The following GABBR2 variants were observed in gnomAD, a reference collection of about 807,000 sequenced individuals.
GABBR2 encodes G-protein coupled receptor 51.
Under a neutral mutation model 105.6 loss-of-function variants are expected in GABBR2, and 23 were observed. The observed-to-expected ratio is 0.22, with a 90% CI of 0.16 to 0.31. The LOEUF (loss-of-function observed/expected upper bound fraction) is 0.31, where lower values mean the gene tolerates loss of function less well. GABBR2 is among the 10% of genes least tolerant of loss of function. The pLI, the probability that GABBR2 is intolerant of heterozygous loss-of-function variation, is 1.00. For missense variants in GABBR2, 734 were observed against 1,245.5 expected (o/e 0.59, Z 6.18); for synonymous variants, 478 against 499.7 (o/e 0.96, Z 0.58).
chr9:98,346,018 C>T (rs1275402200), intron 13 of GABBR2, among the ~76,000 whole-genome samples: 1 of 152,188 alleles, frequency 6.6e-6, no homozygotes, highest in Admixed American at 6.5e-5. Context: ...TGCTAATGAT[C>T]ATCTGAGCCT....
At chr9:98,637,258 C>A (rs762938994) in intron 1 of GABBR2, among the ~76,000 whole-genome samples, 1 of 152,120 alleles carries the variant, frequency 6.6e-6, no homozygotes, top group East Asian at 1.9e-4. Context: ...GTGCTGCATG[C>A]GAAAAGGGAG....
intron 1 of GABBR2, among the ~76,000 whole-genome samples, chr9:98,589,860 G>A (rs898106566): frequency 2.0e-5 from 3 of 151,962 alleles, no homozygotes; most frequent in East Asian, 3.9e-4. Flanking sequence ...GACCACAGGT[G>A]CACACCACCA....
In GABBR2 at chr9:98,454,697, A is replaced by C. The variant is rs1487326045; in HGVS notation, c.1000-480T>G. Among the ~76,000 whole-genome samples the C allele has an allele frequency of 6.6e-6, 1 of 152,146 alleles. No individual in the cohort carries two copies. The highest frequency in any genetic ancestry group is 1.5e-5 in the Non-Finnish European group (1 of 68,028). ...TCTGGAAGGCCAAGCTGGAATTCAGAATTCTGGGACTTCTCTGAGTTTCAG... is the reference window on the plus strand; with the variant it reads ...TCTGGAAGGCCAAGCTGGAATTCAGCATTCTGGGACTTCTCTGAGTTTCAG... On this transcript the variant is annotated intron_variant, in intron 6 of 18. Transcript: ENST00000259455. The surrounding 1 kb of genome is among the most constrained non-coding windows in gnomAD (Gnocchi z 4.6).
rs545488274 is a variant in GABBR2 at position 98,345,276 on chromosome 9, C to A, written c.1893+17439G>T. On this transcript the variant is annotated intron_variant, in intron 13 of 18. Transcript: ENST00000259455. ...ATCTGTTCTCACCGTGCAGCCAGGG[C>A]AAAGCTGATCATGTCACTCCCCTGA... is the stretch of plus-strand genomic sequence containing the variant. 1.4e-3 allele frequency among the ~76,000 whole-genome samples: 214 copies of A among 152,312 alleles called. 1 individual carries two copies. The highest frequency in any genetic ancestry group is 4.9e-3 in the African/African-American group (202 of 41,572).
At chr9:98,544,950 G>A (rs928303502) in intron 2 of GABBR2, among the ~76,000 whole-genome samples, 6 of 152,146 alleles carry the variant, frequency 3.9e-5, no homozygotes, top group African/African-American at 1.4e-4. Context: ...AACACTGCAA[G>A]CCTCCTATGC....
At position 98,520,691 on chromosome 9, in the gene GABBR2, A is replaced by G. The variant is rs148136027; in HGVS notation, c.630+21182T>C. 1.1e-4 allele frequency among the ~76,000 whole-genome samples: 17 copies of G among 152,310 alleles called. No homozygotes were observed. In the East Asian group the frequency reaches 3.1e-3, roughly 28 times the overall value. The stretch of plus-strand genomic sequence containing the variant: ...GGGATGGAAACTTGGAGGCAGGGGA[A>G]TGGTTTCTTCTGTTTCCACTTAAAG... On this transcript the variant is annotated intron_variant, in intron 3 of 18. Transcript: ENST00000259455.
chr9:98,657,498 C>A lies in GABBR2; in HGVS notation c.321+50919G>T, dbSNP rs1830198671. On this transcript the variant is annotated intron_variant, in intron 1 of 18. Coordinates refer to ENST00000259455, the MANE Select transcript of GABBR2 (RefSeq NM_005458.8). ...GCCCCTGTGGAACCCTGGCCAGGGA[C>A]TCAGATGTAAGGAAGGGACCCTGTT... is the stretch of plus-strand genomic sequence containing the variant. Among the ~76,000 whole-genome samples the A allele has an allele frequency of 2.6e-5, 4 of 152,210 alleles. No homozygotes were observed. In the South Asian group the frequency reaches 8.3e-4, roughly 32 times the overall value.
At chr9:98,436,719 G>C (rs558513215) in intron 7 of GABBR2, among the ~76,000 whole-genome samples, 11 of 151,870 alleles carry the variant, frequency 7.2e-5, no homozygotes, top group African/African-American at 2.7e-4. Context: ...CTCTTGCCTA[G>C]AATTTTGCTT....
intron 12 of GABBR2, among the ~76,000 whole-genome samples, chr9:98,371,062 C>T (rs1831772501): frequency 6.6e-6 from 1 of 152,122 alleles, no homozygotes; most frequent in Non-Finnish European, 1.5e-5. Flanking sequence ...ATGCCCCAGC[C>T]ACACCAAGCC....
chr9:98,572,919 G>C (rs568948809), intron 2 of GABBR2, among the ~76,000 whole-genome samples: 2 of 152,316 alleles, frequency 1.3e-5, no homozygotes, highest in Non-Finnish European at 1.5e-5. Flanking sequence ...CCAGTGTCTA[G>C]TAGTGAATGC....
rs189740176 is a variant in GABBR2, at chr9:98,614,545, T to G, written c.322-36473A>C. The stretch of plus-strand genomic sequence containing the variant: ...TGTCTCAAAAAAATAAATTAATTAA[T>G]TAAGTAAATAAAAGACAAATTAAAA... On this transcript the variant is annotated intron_variant, in intron 1 of 18. Coordinates refer to ENST00000259455, the MANE Select transcript of GABBR2 (RefSeq NM_005458.8). Among the ~76,000 whole-genome samples the G allele has an allele frequency of 2.6e-3, 396 of 152,136 alleles. 1 individual carries two copies. The highest frequency in any genetic ancestry group is 4.5e-3 in the Non-Finnish European group (303 of 68,004).
intron 1 of GABBR2, among the ~76,000 whole-genome samples, chr9:98,605,593 T>C (rs72743818): frequency 0.011 from 1,635 of 152,270 alleles, 20 homozygotes; most frequent in Non-Finnish European, 0.017. Flanking sequence ...CTGCTGCCAT[T>C]TGGGGCTATG....
intron 1 of GABBR2, among the ~76,000 whole-genome samples, chr9:98,691,251 TTGAGAATACA>T (rs1373425990): frequency 6.6e-6 from 1 of 152,134 alleles, no homozygotes; most frequent in Admixed American, 6.5e-5. Context: ...GCTGGGGTGT[TTGAGAATACA>T]TACTCTCATC....
chr9:98,505,004 C>A (rs1314147093), intron 3 of GABBR2, among the ~76,000 whole-genome samples: 4 of 152,336 alleles, frequency 2.6e-5, no homozygotes, highest in African/African-American at 9.6e-5. Context: ...GGGGGGGCAC[C>A]AGGTTCTGCG....
At chr9:98,334,399 G>T (rs1187939867) in intron 13 of GABBR2, among the ~76,000 whole-genome samples, 1 of 152,154 alleles carries the variant, frequency 6.6e-6, no homozygotes, top group Non-Finnish European at 1.5e-5. Context: ...CAAGGCTTGG[G>T]CTGGGTTCCA....
Position 98,585,469 on chromosome 9 carries a change from C to T in GABBR2, c.322-7397G>A, listed in dbSNP as rs539248646. 1.5e-3 allele frequency among the ~76,000 whole-genome samples: 205 copies of T among 134,776 alleles called. 1 individual carries two copies. Among genetic ancestry groups the T allele is most frequent in the African/African-American group, 5.6e-3 (197 of 35,466 alleles). 88.4% of individuals were successfully genotyped at this position (134,776 alleles called of 152,430 possible). A position where few individuals can be genotyped will look rare whatever the true frequency, so the allele number is the denominator to read the frequency against. On this transcript the variant is annotated intron_variant, in intron 1 of 18. Transcript: ENST00000259455. ...GAACACATGGACACAGGAAGGGGAA[C>T]ATCACACACCGGGGACTGGCGTAGG... is the stretch of plus-strand genomic sequence containing the variant.
chr9:98,621,714 AT>A (rs1467313650), intron 1 of GABBR2, among the ~76,000 whole-genome samples: 4 of 152,222 alleles, frequency 2.6e-5, no homozygotes, highest in Non-Finnish European at 4.4e-5. Context: ...AATCAAAGTC[AT>A]TTTGAAAAAT....
chr9:98,592,776 T>C (rs1406559264), intron 1 of GABBR2, among the ~76,000 whole-genome samples: 1 of 152,146 alleles, frequency 6.6e-6, no homozygotes, highest in Non-Finnish European at 1.5e-5. Context: ...TGAGGATATG[T>C]CTTAGAACAG....
chr9:98,704,215 T>C (rs1368885968), intron 1 of GABBR2, among the ~76,000 whole-genome samples: 2 of 152,184 alleles, frequency 1.3e-5, no homozygotes, highest in African/African-American at 4.8e-5. Context: ...CAACAGTCCT[T>C]TAAATCCTTT....
Sources: allele counts gnomAD v4.1 joint callset (sites outside exome capture counted in the v4.1 genomes callset), GRCh38; gene constraint gnomAD v4.1.1; non-coding constraint Gnocchi (gnomAD v3.1); transcripts MANE v1.5; gene names NCBI Gene and HGNC (gene_info 2026-07-23, HGNC 2026-07-21).